The following PTPRK variants were observed in gnomAD, a reference collection of about 807,000 sequenced individuals.
PTPRK encodes the protein protein tyrosine phosphatase receptor type K.
Under a neutral mutation model 178.0 loss-of-function variants are expected in PTPRK, and 75 were observed. The ratio of observed to expected loss-of-function variants is 0.42; its 90% CI spans 0.35 to 0.51. The LOEUF (loss-of-function observed/expected upper bound fraction) is 0.51. Ranked by LOEUF, PTPRK falls within the 20% of genes least tolerant of loss-of-function variation. The pLI is 0.02. For synonymous variants in PTPRK, 637 were observed against 620.6 expected (o/e 1.03, Z -0.39); for missense variants, 1,441 against 1,797.8 (o/e 0.80, Z 3.59).
intron 7 of PTPRK, among the ~76,000 whole-genome samples, chr6:128,127,789 T>C (rs1410845845): frequency 6.6e-6 from 1 of 152,238 alleles, no homozygotes; most frequent in African/African-American, 2.4e-5. Context: ...ATTGGTGTAC[T>C]CCATCTAAAC....
Position 128,008,156 on chromosome 6 carries a change from T to G in PTPRK, c.2333+974A>C, listed in dbSNP as rs1035332683. ...CTGATGGAATCATTAAAACATGTAG[T>G]ATGAGTCTTATCTATAATGTTAATG... On this transcript the variant is annotated intron_variant, in intron 14 of 29. Transcript: ENST00000368226. 4.5e-6 allele frequency: 4 copies of G among 886,540 alleles called. No individual in the cohort carries two copies. The African/African-American group carries it at 7.1e-5, about 16-fold the overall frequency. The allele number at this position is 886,540 out of a possible 1,614,324, so 54.9% of individuals were successfully genotyped here. A position where few individuals can be genotyped will look rare whatever the true frequency, so the allele number is the denominator to read the frequency against.
chr6:128,164,530 T>C (rs1428068317), intron 7 of PTPRK, among the ~76,000 whole-genome samples: 1 of 151,400 alleles, frequency 6.6e-6, no homozygotes, highest in Non-Finnish European at 1.5e-5. Context: ...GATAAGGAAC[T>C]AAACAATATG....
chr6:128,014,154 G>C (rs1044225723), intron 13 of PTPRK, among the ~76,000 whole-genome samples: 1 of 151,600 alleles, frequency 6.6e-6, no homozygotes, highest in Non-Finnish European at 1.5e-5. Context: ...ACACAAGGAT[G>C]TCTCTGATCA....
At chr6:128,388,192 T>C (rs1839038037) in intron 2 of PTPRK, among the ~76,000 whole-genome samples, 1 of 152,188 alleles carries the variant, frequency 6.6e-6, no homozygotes, top group Admixed American at 6.5e-5. Flanking sequence ...AGGAAAGTTT[T>C]TTGTGTTTAT....
chr6:128,284,537 G>T (rs989516878), intron 3 of PTPRK, among the ~76,000 whole-genome samples: 4 of 152,168 alleles, frequency 2.6e-5, no homozygotes, highest in African/African-American at 9.7e-5. Flanking sequence ...AGTGTCCAAT[G>T]CAAGAATGAA....
At chr6:128,347,314 G>A (rs72974006) in intron 2 of PTPRK, among the ~76,000 whole-genome samples, 12,182 of 152,072 alleles carry the variant, frequency 0.08, 534 homozygotes, top group Non-Finnish European at 0.091. Flanking sequence ...CTTTATGACC[G>A]TGAGAATGAT....
intron 7 of PTPRK, among the ~76,000 whole-genome samples, chr6:128,174,482 T>C (rs1463186796): frequency 2.6e-5 from 4 of 151,912 alleles, no homozygotes. Context: ...AATAATGGTA[T>C]AATATATTAA....
intron 7 of PTPRK, among the ~76,000 whole-genome samples, chr6:128,119,002 A>T (rs1792014866): frequency 6.6e-6 from 1 of 152,194 alleles, no homozygotes; most frequent in African/African-American, 2.4e-5. Context: ...AAGAACAGTG[A>T]GAAACATTAT....
At chr6:128,060,673 T>A (rs977516273) in intron 13 of PTPRK, among the ~76,000 whole-genome samples, 16 of 152,136 alleles carry the variant, frequency 1.1e-4, no homozygotes, top group African/African-American at 3.4e-4. Context: ...TGAAGAAAAC[T>A]CATTTGAATA....
chr6:127,983,004 A>G, intron 23 of PTPRK, 24 bp from the exon 24 acceptor site: 1 of 1,588,806 alleles, frequency 6.3e-7, no homozygotes, highest in Non-Finnish European at 8.6e-7. Context: ...GAAAAAGAAA[A>G]TTTTGTACTA....
chr6:128,118,927 A>C (rs1269347221), intron 7 of PTPRK, among the ~76,000 whole-genome samples: 1 of 152,192 alleles, frequency 6.6e-6, no homozygotes, highest in Non-Finnish European at 1.5e-5. Context: ...TCTTTCCCAT[A>C]GAACATCTGC....
chr6:128,118,782 C>T (rs546612487), intron 7 of PTPRK, among the ~76,000 whole-genome samples: 1 of 152,284 alleles, frequency 6.6e-6, no homozygotes, highest in Non-Finnish European at 1.5e-5. Context: ...CAGCTGCTTC[C>T]TATTTATTCT....
At chr6:128,231,841 T>C (rs1812353306) in intron 5 of PTPRK, among the ~76,000 whole-genome samples, 1 of 152,192 alleles carries the variant, frequency 6.6e-6, no homozygotes, top group South Asian at 2.1e-4. Flanking sequence ...TGAGAAAATG[T>C]ACAAAGCTGT....
At chr6:128,275,509 AAG>A (rs1171793537) in intron 3 of PTPRK, among the ~76,000 whole-genome samples, 1 of 152,050 alleles carries the variant, frequency 6.6e-6, no homozygotes, top group Non-Finnish European at 1.5e-5. Flanking sequence ...CTAAAGAAAA[AAG>A]AGCTAATCAA....
chr6:128,000,185 TGA>T, intron 15 of PTPRK: 3 of 968,518 alleles, frequency 3.1e-6, no homozygotes, highest in Non-Finnish European at 3.8e-6. Context: ...TTTTTTTTAA[TGA>T]TAATGCATAC....
chr6:128,059,803 T>C (rs550462424), intron 13 of PTPRK, among the ~76,000 whole-genome samples: 5 of 152,316 alleles, frequency 3.3e-5, no homozygotes, highest in Admixed American at 6.5e-5. Flanking sequence ...TCTATTTTTT[T>C]CCATTTCTCT....
intron 13 of PTPRK, among the ~76,000 whole-genome samples, chr6:128,030,344 C>T (rs750888640): frequency 3.3e-5 from 5 of 152,108 alleles, no homozygotes; most frequent in African/African-American, 4.8e-5. Flanking sequence ...CAACATACTC[C>T]GCTCTTTAAA....
intron 1 of PTPRK, among the ~76,000 whole-genome samples, chr6:128,504,268 C>T (rs1031475030): frequency 3.3e-5 from 5 of 152,122 alleles, no homozygotes; most frequent in African/African-American, 1.2e-4. Flanking sequence ...CTGCCCTTTA[C>T]TTGACTACAT....
chr6:128,506,124 A>G (rs1585007840), intron 1 of PTPRK, among the ~76,000 whole-genome samples: 2 of 152,234 alleles, frequency 1.3e-5, no homozygotes, highest in Non-Finnish European at 2.9e-5. Flanking sequence ...TCATTCTATA[A>G]CCATTGGGGA....
Sources: allele counts gnomAD v4.1 joint callset (sites outside exome capture counted in the v4.1 genomes callset), GRCh38; gene constraint gnomAD v4.1.1; transcripts MANE v1.5; gene names NCBI Gene and HGNC (gene_info 2026-07-23, HGNC 2026-07-21).